Variants in CNOT9 observed in about 807,000 individuals in gnomAD.
The protein encoded by CNOT9 is CCR4-NOT transcription complex subunit 9, also known as RCD1 required for cell differentiation1 homolog.
Under a neutral mutation model 37.4 loss-of-function variants are expected in CNOT9, and 8 were observed. The ratio of observed to expected loss-of-function variants is 0.21; its 90% CI spans 0.13 to 0.39. The LOEUF is 0.39. CNOT9 is among the 10% of genes least tolerant of loss of function. The pLI, the probability that CNOT9 is intolerant of heterozygous loss-of-function variation, is 1.00. For missense variants in CNOT9, 154 were observed against 365.3 expected (o/e 0.42, Z 4.71); for synonymous variants, 120 against 137.6 (o/e 0.87, Z 0.90).
chr2:218,573,318 TA>T (rs34596336), intron 1 of CNOT9, among the ~76,000 whole-genome samples: 79,703 of 132,612 alleles, frequency 0.6, 23,555 homozygotes, highest in East Asian at 0.88. Flanking sequence ...AACTCCATCT[TA>T]AAAAAAAAAA....
chr2:218,584,576 C>A, intron 3 of CNOT9, 36 bp from the exon 4 acceptor site: 2 of 1,455,252 alleles, frequency 1.4e-6, no homozygotes, highest in Non-Finnish European at 1.9e-6. Flanking sequence ...TAGAAATCAA[C>A]CCTGGGCTGT....
At chr2:218,574,382 T>A (rs1026425660) in intron 1 of CNOT9, 1 of 153,418 alleles carries the variant, frequency 6.5e-6, no homozygotes, top group African/African-American at 2.4e-5. Context: ...ATGATGATTC[T>A]ATGTGTCCAG....
At chr2:218,582,590 T>G (rs539964555) in intron 2 of CNOT9, among the ~76,000 whole-genome samples, 1 of 152,206 alleles carries the variant, frequency 6.6e-6, no homozygotes, top group South Asian at 2.1e-4. Context: ...CTCTGGAGGC[T>G]GAGGCAGGAG....
intron 1 of CNOT9, among the ~76,000 whole-genome samples, chr2:218,571,024 G>A (rs987433712): frequency 6.6e-6 from 1 of 152,112 alleles, no homozygotes; most frequent in Non-Finnish European, 1.5e-5. Context: ...CATGCCTTCC[G>A]TTGGAGCAAA....
intron 2 of CNOT9, chr2:218,581,240 C>T (rs1188060548): frequency 1.9e-5 from 4 of 209,542 alleles, no homozygotes; most frequent in South Asian, 5.6e-5. Context: ...GCAATCCCGG[C>T]TCACTGCAAC....
intron 5 of CNOT9, among the ~76,000 whole-genome samples, chr2:218,591,828 T>A (rs1694786161): frequency 6.6e-6 from 1 of 152,078 alleles, no homozygotes; most frequent in African/African-American, 2.4e-5. Context: ...CATCTTGGCC[T>A]ATGGAAAAGA....
intron 1 of CNOT9, 34 bp downstream of exon 1, chr2:218,569,012 A>G (rs1350698380): frequency 1.9e-6 from 3 of 1,609,206 alleles, no homozygotes; most frequent in Admixed American, 3.4e-5. Flanking sequence ...TGGAACCAGA[A>G]TCCTTTCTCA....
At chr2:218,582,369 A>G (rs973992681) in intron 2 of CNOT9, among the ~76,000 whole-genome samples, 5 of 152,122 alleles carry the variant, frequency 3.3e-5, no homozygotes, top group Non-Finnish European at 5.9e-5. Context: ...TATAAGAGGA[A>G]GTGTAGATGA....
chr2:218,592,494 C>A lies in CNOT9; in HGVS notation c.639+92C>A. 2.1e-6 allele frequency: 3 copies of A among 1,442,014 alleles called. No homozygotes were observed. The highest frequency in any genetic ancestry group is 1.7e-4 in the Middle Eastern group (1 of 5,732). The allele number at this position is 1,442,014 out of a possible 1,614,324, so 89.3% of individuals were successfully genotyped here. ...GCATTGAACAACTTCAGTCCTCTGA[C>A]TAGAACTAACAATTTTGGAACCTTT... On this transcript the variant is annotated intron_variant, in intron 6 of 7. Coordinates refer to ENST00000273064, the MANE Select transcript of CNOT9 (RefSeq NM_005444.3). This position sits in a 1 kb window ranked among gnomAD's most constrained non-coding sequence, Gnocchi z 4.1.
rs532504600 is a variant in CNOT9 at position 218,578,514 on chromosome 2, A to G, written c.25-2047A>G. Among the ~76,000 whole-genome samples, 69 of 152,356 alleles carry G rather than the reference A, an allele frequency of 4.5e-4. No individual in the cohort carries two copies. In the East Asian group the frequency reaches 0.011, roughly 24 times the overall value. ...TCAAGCTAAGATCTTTTGGGAACTT[A>G]TAAGTACTGTGAGAAACTGTAATAT... On this transcript the variant is annotated intron_variant, in intron 1 of 7. Coordinates refer to ENST00000273064, the MANE Select transcript of CNOT9 (RefSeq NM_005444.3).
chr2:218,569,105 C>T, intron 1 of CNOT9, 127 bp downstream of exon 1: 1 of 984,266 alleles, frequency 1.0e-6, no homozygotes, highest in Non-Finnish European at 1.5e-6. Context: ...TCCAAGGCCC[C>T]GGTTCCCCTC....
At chr2:218,569,066 C>G in intron 1 of CNOT9, 88 bp downstream of exon 1, 1 of 1,454,678 alleles carries the variant, frequency 6.9e-7, no homozygotes, top group Non-Finnish European at 9.5e-7. Context: ...GTGTCGGGTC[C>G]CTAGTCTGAT....
intron 5 of CNOT9, among the ~76,000 whole-genome samples, chr2:218,591,722 G>A (rs377654943): frequency 8.6e-5 from 13 of 150,858 alleles, no homozygotes; most frequent in East Asian, 3.9e-4. Context: ...CAGTCTGGGC[G>A]ACAGAGTGAG....
chr2:218,591,892 T>A lies in CNOT9; in HGVS notation c.541-412T>A, dbSNP rs528828204. On this transcript the variant is annotated intron_variant, in intron 5 of 7. Transcript: ENST00000273064. Reference sequence around the variant, plus strand: ...TGGATCTCAGCTGTGCCATAGTAACTTTGTCACTTGGGACCTTAACCTGGT... The same window carrying A: ...TGGATCTCAGCTGTGCCATAGTAACATTGTCACTTGGGACCTTAACCTGGT... 7.2e-5 allele frequency among the ~76,000 whole-genome samples: 11 copies of A among 152,308 alleles called. No homozygotes were observed. In the East Asian group the frequency reaches 2.1e-3, roughly 29 times the overall value.
chr2:218,582,428 C>T (rs568750853), intron 2 of CNOT9, among the ~76,000 whole-genome samples: 3 of 152,328 alleles, frequency 2.0e-5, no homozygotes, highest in South Asian at 2.1e-4. Context: ...CAGTGGCTCA[C>T]GCCTGAAATC....
chr2:218,593,485 G>T, intron 7 of CNOT9: 1 of 1,246,176 alleles, frequency 8.0e-7, no homozygotes, highest in Non-Finnish European at 1.1e-6. Flanking sequence ...CTATAACTTT[G>T]TTTAAAATAG....
At position 218,594,415 on chromosome 2, in the gene CNOT9, A is replaced by C; in HGVS notation, c.*139A>C. 1 of 975,316 alleles carries C rather than the reference A, an allele frequency of 1.0e-6. No individual in the cohort carries two copies. Among genetic ancestry groups the C allele is most frequent in the Non-Finnish European group, 1.5e-6 (1 of 670,480 alleles). 60.4% of individuals were successfully genotyped at this position (975,316 alleles called of 1,614,324 possible). A position where few individuals can be genotyped will look rare whatever the true frequency, so the allele number is the denominator to read the frequency against. Reference sequence around the variant, plus strand: ...CCGCACTGGAGAAAAGGGGCAAGGTACCCCTGCTGAGGTGTATGGGCTGCC... The same window carrying C: ...CCGCACTGGAGAAAAGGGGCAAGGTCCCCCTGCTGAGGTGTATGGGCTGCC... On this transcript the variant is annotated 3_prime_UTR_variant, in exon 8 of 8. Transcript: ENST00000273064.
chr2:218,573,388 TC>T (rs1354145778), intron 1 of CNOT9, among the ~76,000 whole-genome samples: 1 of 151,880 alleles, frequency 6.6e-6, no homozygotes, highest in East Asian at 1.9e-4. Context: ...ATTTAGTACT[TC>T]CAGCACTATT....
Position 218,594,317 on chromosome 2 carries a change from A to C in CNOT9, c.*41A>C, listed in dbSNP as rs1456534817. The C allele has an allele frequency of 1.3e-6, 2 of 1,560,462 alleles. No homozygotes were observed. Among genetic ancestry groups the C allele is most frequent in the Non-Finnish European group, 1.7e-6 (2 of 1,149,834 alleles). On this transcript the variant is annotated 3_prime_UTR_variant, in exon 8 of 8. Transcript: ENST00000273064. ...TCCCACTACTCCCCCAAGTTGGGGAAAGGAGGGGGAACCTACGAGAAAAAC... is the reference window on the plus strand; with the variant it reads ...TCCCACTACTCCCCCAAGTTGGGGACAGGAGGGGGAACCTACGAGAAAAAC...
Sources: gnomAD v4.1 joint callset for allele counts (sites outside exome capture counted in the v4.1 genomes callset) on GRCh38, gnomAD v4.1.1 for gene constraint, Gnocchi (gnomAD v3.1) non-coding constraint, MANE v1.5 for transcripts, NCBI Gene and HGNC (gene_info 2026-07-23, HGNC 2026-07-21) for gene names.